ADRA1A: variants seen among roughly 807,000 people sequenced by gnomAD.
The protein encoded by ADRA1A is adrenoceptor alpha 1A.
In ADRA1A, 31 loss-of-function variants were observed where a neutral mutation model predicts 29.6. The observed-to-expected ratio is 1.05, with a 90% CI of 0.79 to 1.41. The LOEUF (loss-of-function observed/expected upper bound fraction) is 1.41. ADRA1A is among the 40% of genes most tolerant of loss of function. ADRA1A has a pLI of 0.00. For missense variants in ADRA1A, 619 were observed against 601.1 expected (o/e 1.03, Z -0.31); for synonymous variants, 311 against 254.3 (o/e 1.22, Z -2.12).
In ADRA1A at chr8:26,862,076, C is replaced by T. The variant is rs150656023; in HGVS notation, c.883+2011G>A. ...GAATAATATGCAAACTTTACTTTGG[C>T]CTGAAAGACCCCATATGACTTTGGT... On this transcript the variant is annotated intron_variant, in intron 2 of 2. Coordinates refer to ENST00000380573, the MANE Select transcript of ADRA1A (RefSeq NM_000680.4). Among the ~76,000 whole-genome samples the T allele has an allele frequency of 8.2e-3, 1,250 of 152,256 alleles. 10 individuals are homozygous for T. Among genetic ancestry groups the T allele is most frequent in the Middle Eastern group, 0.017 (5 of 294 alleles).
rs1462568002 is a variant in ADRA1A at position 26,860,210 on chromosome 8, C to T, written c.883+3877G>A. 1.3e-5 allele frequency among the ~76,000 whole-genome samples: 2 copies of T among 152,142 alleles called. No homozygotes were observed. The highest frequency in any genetic ancestry group is 2.4e-5 in the African/African-American group (1 of 41,418). On this transcript the variant is annotated intron_variant, in intron 2 of 2. Coordinates refer to ENST00000380573, the MANE Select transcript of ADRA1A (RefSeq NM_000680.4). This position sits in a 1 kb window ranked among gnomAD's most constrained non-coding sequence, Gnocchi z 4.7. The stretch of plus-strand genomic sequence containing the variant: ...GCGGGCTATGACTAGTCAGAGCATC[C>T]ACCTCCCCTAGATGACTCCAGGACC...
chr8:26,753,476 A>G (rs983163461), downstream of ADRA1A, among the ~76,000 whole-genome samples: 1 of 152,136 alleles, frequency 6.6e-6, no homozygotes, highest in Non-Finnish European at 1.5e-5. Context: ...AGGATATAAA[A>G]ATGAGATTCT....
chr8:26,781,288 C>A (rs1675533878), intron 2 of ADRA1A, among the ~76,000 whole-genome samples: 1 of 152,242 alleles, frequency 6.6e-6, no homozygotes, highest in Non-Finnish European at 1.5e-5. Context: ...ATTTAGTAGG[C>A]TCCCAACAAT....
chr8:26,824,400 C>T (rs1398280353), intron 2 of ADRA1A, among the ~76,000 whole-genome samples: 1 of 152,096 alleles, frequency 6.6e-6, no homozygotes, highest in Non-Finnish European at 1.5e-5. Context: ...TCAAGGCAGC[C>T]TCCTTCAAAC....
At chr8:26,835,814 T>G (rs1380363733) in intron 2 of ADRA1A, 1 of 152,174 alleles carries the variant, frequency 6.6e-6, no homozygotes, top group Non-Finnish European at 1.5e-5. Context: ...CCTCCCTGAT[T>G]CATTATTTTT....
intron 2 of ADRA1A, chr8:26,853,953 A>C (rs1812812479): frequency 6.6e-6 from 1 of 152,214 alleles, no homozygotes; most frequent in African/African-American, 2.4e-5. Flanking sequence ...ATTTTAAAAT[A>C]TTCCTCATCT....
intron 2 of ADRA1A, among the ~76,000 whole-genome samples, chr8:26,774,648 A>G (rs1217051422): frequency 1.3e-5 from 2 of 151,950 alleles, no homozygotes; most frequent in African/African-American, 4.8e-5. Context: ...AGCATGGGCA[A>G]CGGGAGTGAA....
intron 2 of ADRA1A, among the ~76,000 whole-genome samples, chr8:26,812,053 A>C (rs1809434390): frequency 1.3e-5 from 2 of 152,196 alleles, no homozygotes; most frequent in African/African-American, 4.8e-5. Flanking sequence ...GTCTTTTCTA[A>C]AGAAATCAAA....
In ADRA1A at chr8:26,778,703, CA is replaced by C. The variant is rs1461247720; in HGVS notation, c.884-8038del. ...GCAAACTATCGCAAGGACAAAAAAC[CA>C]AACACCGCATGTTCTCACTCATAAG... On this transcript the variant is annotated intron_variant, in intron 2 of 2. Transcript: ENST00000380573. Among the ~76,000 whole-genome samples the C allele has an allele frequency of 2.7e-5, 4 of 148,242 alleles. No individual in the cohort carries two copies. The Admixed American group carries it at 2.8e-4, about 10-fold the overall frequency.
At chr8:26,784,903 A>G (rs1350663909) in intron 2 of ADRA1A, among the ~76,000 whole-genome samples, 1 of 152,218 alleles carries the variant, frequency 6.6e-6, no homozygotes, top group Non-Finnish European at 1.5e-5. Flanking sequence ...TTTACCATCA[A>G]TGATACATGA....
intron 2 of ADRA1A, among the ~76,000 whole-genome samples, chr8:26,789,146 A>G (rs1163182605): frequency 6.6e-6 from 1 of 151,802 alleles, no homozygotes; most frequent in Non-Finnish European, 1.5e-5. Flanking sequence ...GTTCCCCTAA[A>G]TTGTTTTTAA....
Position 26,867,101 on chromosome 8 carries a change from G to A in ADRA1A, c.-852C>T. ...CCCGCTGACTCACCCCTCCACCACT[G>A]ATGTCTTTAAGCTCCTGAACCGCTG... is the stretch of plus-strand genomic sequence containing the variant. On this transcript the variant is annotated 5_prime_UTR_variant, in exon 1 of 3. Coordinates refer to ENST00000380573, the MANE Select transcript of ADRA1A (RefSeq NM_000680.4). 1 of 985,422 alleles carries A rather than the reference G, an allele frequency of 1.0e-6. No individual in the cohort carries two copies. The highest frequency in any genetic ancestry group is 5.2e-4 in the Middle Eastern group (1 of 1,916). The allele number at this position is 985,422 out of a possible 1,614,324, so 61.0% of individuals were successfully genotyped here. A position where few individuals can be genotyped will look rare whatever the true frequency, so the allele number is the denominator to read the frequency against.
At chr8:26,809,844 T>C (rs1190335236) in intron 2 of ADRA1A, among the ~76,000 whole-genome samples, 1 of 152,234 alleles carries the variant, frequency 6.6e-6, no homozygotes, top group East Asian at 1.9e-4. Flanking sequence ...GTTACAATCA[T>C]GGACATGGCT....
intron 2 of ADRA1A, among the ~76,000 whole-genome samples, chr8:26,847,719 C>A (rs924586252): frequency 1.3e-5 from 2 of 152,190 alleles, no homozygotes; most frequent in African/African-American, 2.4e-5. Context: ...CCTTTGTCAA[C>A]CTTGCCTCCT....
In ADRA1A at chr8:26,769,970, C is replaced by G. The variant is rs543125893; in HGVS notation, c.*179G>C. On this transcript the variant is annotated 3_prime_UTR_variant, in exon 3 of 3. Transcript: ENST00000380573. Reference sequence around the variant, plus strand: ...TCTGAACTGGTTGGTTGTGAGACACCCTCCCTCTTCCCTGTGCCCTACCCG... The same window carrying G: ...TCTGAACTGGTTGGTTGTGAGACACGCTCCCTCTTCCCTGTGCCCTACCCG... 7.4e-5 allele frequency: 103 copies of G among 1,396,286 alleles called. No individual in the cohort carries two copies. The East Asian group carries it at 2.4e-3, about 32-fold the overall frequency. 86.5% of individuals were successfully genotyped at this position (1,396,286 alleles called of 1,614,324 possible).
At chr8:26,857,206 C>T (rs1045439346) in intron 2 of ADRA1A, among the ~76,000 whole-genome samples, 7 of 152,114 alleles carry the variant, frequency 4.6e-5, no homozygotes, top group Non-Finnish European at 8.8e-5. Context: ...TAGAAGGGAA[C>T]AGAGGCCACC....
chr8:26,814,517 C>T (rs1400799359), intron 2 of ADRA1A, among the ~76,000 whole-genome samples: 3 of 152,218 alleles, frequency 2.0e-5, no homozygotes, highest in African/African-American at 7.2e-5. Flanking sequence ...TCACCTTGGC[C>T]TCCCAAAGGC....
downstream of ADRA1A, among the ~76,000 whole-genome samples, chr8:26,755,271 T>C (rs1331734630): frequency 1.3e-5 from 2 of 151,718 alleles, no homozygotes; most frequent in Non-Finnish European, 1.5e-5. Flanking sequence ...ATCACGCAAC[T>C]GGGAAACCAA....
chr8:26,786,843 G>C (rs1807433418), intron 2 of ADRA1A, among the ~76,000 whole-genome samples: 1 of 151,772 alleles, frequency 6.6e-6, no homozygotes, highest in African/African-American at 2.4e-5. Flanking sequence ...GTGATGATTT[G>C]TTCAACATAT....
Sources: allele counts gnomAD v4.1 joint callset (sites outside exome capture counted in the v4.1 genomes callset), GRCh38; gene constraint gnomAD v4.1.1; non-coding constraint Gnocchi (gnomAD v3.1); transcripts MANE v1.5; gene names NCBI Gene and HGNC (gene_info 2026-07-23, HGNC 2026-07-21).